The following KLHL3 variants were observed in gnomAD, a reference collection of about 807,000 sequenced individuals.
KLHL3 encodes kelch like family member 3.
KLHL3 carries 19 observed loss-of-function variants against 70.5 expected under a neutral mutation model. The observed-to-expected ratio is 0.27, with a 90% CI of 0.19 to 0.40. KLHL3 has a LOEUF of 0.40. KLHL3 is among the 10% of genes least tolerant of loss of function. The probability of loss-of-function intolerance (pLI) is 1.00; values close to 1 mark genes in which losing one functional copy is unlikely to be tolerated. For missense variants in KLHL3, 512 were observed against 771.1 expected (o/e 0.66, Z 3.98); for synonymous variants, 258 against 290.3 (o/e 0.89, Z 1.13).
At chr5:137,642,951 A>G (rs1340191397) in intron 8 of KLHL3, among the ~76,000 whole-genome samples, 2 of 152,182 alleles carry the variant, frequency 1.3e-5, no homozygotes, top group Non-Finnish European at 2.9e-5. Flanking sequence ...GGGTACATGC[A>G]TATTGGAGAA....
chr5:137,722,885 T>C (rs765232126), intron 1 of KLHL3, among the ~76,000 whole-genome samples: 11 of 152,132 alleles, frequency 7.2e-5, no homozygotes, highest in Non-Finnish European at 1.3e-4. Flanking sequence ...GTCAGGCTGT[T>C]CTCGAACTCC....
intron 8 of KLHL3, among the ~76,000 whole-genome samples, chr5:137,648,394 T>C (rs977680632): frequency 5.3e-5 from 8 of 152,252 alleles, no homozygotes; most frequent in African/African-American, 1.9e-4. Flanking sequence ...AAGAGCTGAA[T>C]AGAGATGCCA....
At chr5:137,624,904 C>A (rs1750417323) in intron 14 of KLHL3, among the ~76,000 whole-genome samples, 1 of 152,176 alleles carries the variant, frequency 6.6e-6, no homozygotes, top group African/African-American at 2.4e-5. Flanking sequence ...ACACACTCCC[C>A]AAGAAGCTTC....
intron 13 of KLHL3, 101 bp downstream of exon 13, chr5:137,628,196 A>G (rs2149877885): frequency 7.0e-7 from 1 of 1,429,150 alleles, no homozygotes; most frequent in East Asian, 2.3e-5. Flanking sequence ...ATATACGCTC[A>G]GCTCCAGACC....
At chr5:137,653,668 A>G (rs557690939) in intron 8 of KLHL3, among the ~76,000 whole-genome samples, 47 of 152,380 alleles carry the variant, frequency 3.1e-4, no homozygotes, top group African/African-American at 9.9e-4. Flanking sequence ...GCATAATAGT[A>G]TAGCCATTTT....
intron 2 of KLHL3, among the ~76,000 whole-genome samples, chr5:137,716,327 A>G (rs2149933011): frequency 6.7e-6 from 1 of 149,956 alleles, no homozygotes; most frequent in African/African-American, 2.5e-5. Flanking sequence ...ACAAACTCCA[A>G]TGCCCAACTA....
chr5:137,658,944 T>C (rs1371841806), intron 7 of KLHL3, among the ~76,000 whole-genome samples: 2 of 152,186 alleles, frequency 1.3e-5, no homozygotes, highest in East Asian at 3.8e-4. Context: ...TCTGGCTTCT[T>C]TATCTCTTAT....
intron 1 of KLHL3, among the ~76,000 whole-genome samples, chr5:137,722,600 A>G (rs1195850039): frequency 1.3e-5 from 2 of 152,218 alleles, no homozygotes; most frequent in East Asian, 3.8e-4. Context: ...CTATAAAGCT[A>G]GAAAAATGTT....
chr5:137,718,192 G>A (rs1311351587), intron 2 of KLHL3, among the ~76,000 whole-genome samples: 4 of 152,212 alleles, frequency 2.6e-5, no homozygotes, highest in Non-Finnish European at 5.9e-5. Context: ...AACAGAGTTT[G>A]ACAAATGCTG....
chr5:137,651,050 A>C (rs964742535), intron 8 of KLHL3, among the ~76,000 whole-genome samples: 20 of 152,220 alleles, frequency 1.3e-4, no homozygotes, highest in African/African-American at 4.8e-4. Context: ...GTAGGATATA[A>C]ATCCTCACTA....
At chr5:137,714,836 T>C (rs1725020165) in intron 2 of KLHL3, among the ~76,000 whole-genome samples, 1 of 151,930 alleles carries the variant, frequency 6.6e-6, no homozygotes, top group Non-Finnish European at 1.5e-5. Context: ...GAAAGCAATA[T>C]GCTAAGATGG....
chr5:137,647,763 T>G, intron 8 of KLHL3: 1 of 363,306 alleles, frequency 2.8e-6, no homozygotes, highest in Non-Finnish European at 5.7e-6. Context: ...GCAGAGAAAA[T>G]GGGGGTCTGA....
intron 5 of KLHL3, among the ~76,000 whole-genome samples, chr5:137,685,601 A>C (rs1038936681): frequency 1.3e-5 from 2 of 152,208 alleles, no homozygotes; most frequent in African/African-American, 4.8e-5. Flanking sequence ...CTTTTATTGA[A>C]TATATTACCT....
intron 8 of KLHL3, among the ~76,000 whole-genome samples, chr5:137,640,736 C>CG (rs968253093): frequency 2.0e-5 from 3 of 151,638 alleles, no homozygotes; most frequent in South Asian, 2.1e-4. Context: ...GCCAGCCACC[C>CG]CCCCCAACTC....
intron 12 of KLHL3, among the ~76,000 whole-genome samples, chr5:137,630,489 G>C (rs1178138408): frequency 6.6e-6 from 1 of 152,056 alleles, no homozygotes; most frequent in African/African-American, 2.4e-5. Context: ...GCCTCCCCAG[G>C]CTTTCGGCCC....
At chr5:137,622,621 G>A (rs1365592184) in intron 14 of KLHL3, among the ~76,000 whole-genome samples, 1 of 152,228 alleles carries the variant, frequency 6.6e-6, no homozygotes, top group Non-Finnish European at 1.5e-5. Flanking sequence ...CTGCACTATG[G>A]CCTTTGGCAA....
intron 6 of KLHL3, among the ~76,000 whole-genome samples, chr5:137,668,974 ATTC>A (rs1055470830): frequency 6.6e-6 from 1 of 150,704 alleles, no homozygotes; most frequent in African/African-American, 2.4e-5. Flanking sequence ...ACCCAGTTGA[ATTC>A]TTCTTTCTGA....
At chr5:137,698,699 C>T (rs1752501624) in intron 3 of KLHL3, among the ~76,000 whole-genome samples, 1 of 152,216 alleles carries the variant, frequency 6.6e-6, no homozygotes, top group African/African-American at 2.4e-5. Context: ...CCAACATTTA[C>T]TGTAAACTTC....
intron 1 of KLHL3, among the ~76,000 whole-genome samples, chr5:137,730,189 C>G (rs968988737): frequency 6.6e-6 from 1 of 152,170 alleles, no homozygotes; most frequent in African/African-American, 2.4e-5. Flanking sequence ...AGAACTGGCA[C>G]TGAAACCCAG....
Sources: gnomAD v4.1 joint callset for allele counts (sites outside exome capture counted in the v4.1 genomes callset) on GRCh38, gnomAD v4.1.1 for gene constraint, MANE v1.5 for transcripts, NCBI Gene and HGNC (gene_info 2026-07-23, HGNC 2026-07-21) for gene names.